Variants in BAZ1A observed in about 807,000 individuals in gnomAD.
BAZ1A encodes bromodomain adjacent to zinc finger domain 1A.
Under a neutral mutation model 185.2 loss-of-function variants are expected in BAZ1A, and 50 were observed. That is an observed-to-expected ratio of 0.27 (90% CI 0.22 to 0.34). The LOEUF is 0.34. Among genes scored for constraint, BAZ1A ranks in the 10% least tolerant of loss-of-function variants. BAZ1A has a pLI of 1.00. For missense variants in BAZ1A, 1,356 were observed against 1,839.9 expected (o/e 0.74, Z 4.81); for synonymous variants, 571 against 615.6 (o/e 0.93, Z 1.07).
At chr14:34,790,257 C>T (rs1880755633) in intron 12 of BAZ1A, among the ~76,000 whole-genome samples, 1 of 151,812 alleles carries the variant, frequency 6.6e-6, no homozygotes, top group Admixed American at 6.6e-5. Context: ...CAGCCTCAAA[C>T]TCCCAGGGTC....
intron 9 of BAZ1A, among the ~76,000 whole-genome samples, chr14:34,798,045 A>G (rs998817152): frequency 3.3e-5 from 5 of 152,280 alleles, no homozygotes; most frequent in Non-Finnish European, 7.3e-5. Flanking sequence ...AGCGGGTCCC[A>G]TGCCCACAAA....
chr14:34,846,300 G>A (rs1421929367), intron 3 of BAZ1A, among the ~76,000 whole-genome samples: 1 of 152,112 alleles, frequency 6.6e-6, no homozygotes, highest in Non-Finnish European at 1.5e-5. Context: ...CGTAAGTCCT[G>A]GTGGAGACTC....
chr14:34,823,035 A>G (rs1000352304), intron 4 of BAZ1A, among the ~76,000 whole-genome samples: 2 of 152,154 alleles, frequency 1.3e-5, no homozygotes, highest in African/African-American at 4.8e-5. Flanking sequence ...ACAGCACCTA[A>G]AAGAATTAGA....
At chr14:34,789,172 T>C (rs765226848) in intron 12 of BAZ1A, among the ~76,000 whole-genome samples, 1 of 152,174 alleles carries the variant, frequency 6.6e-6, no homozygotes, top group Non-Finnish European at 1.5e-5. Context: ...ATTTAATTAA[T>C]GAGCACTCCA....
In BAZ1A at chr14:34,807,224, T is replaced by A. The variant is rs111832131; in HGVS notation, c.726+227A>T. ...CCAAATTTTCTATTTTCACCTGTCC[T>A]TGTTGATCTTTTTTGTAAGTGGCAG... On this transcript the variant is annotated intron_variant, in intron 6 of 26. Transcript: ENST00000360310. Among the ~76,000 whole-genome samples, 648 of 151,740 alleles carry A rather than the reference T, an allele frequency of 4.3e-3. 3 individuals are homozygous for A. Among genetic ancestry groups the A allele is most frequent in the Admixed American group, 6.2e-3 (94 of 15,114 alleles).
chr14:34,817,245 T>A (rs1190343435), intron 4 of BAZ1A, among the ~76,000 whole-genome samples: 1 of 150,952 alleles, frequency 6.6e-6, no homozygotes, highest in Non-Finnish European at 1.5e-5. Flanking sequence ...CCCCCAAATA[T>A]ATCAAGATAT....
At position 34,761,927 on chromosome 14, in the gene BAZ1A, C is replaced by A. The variant is rs554820898; in HGVS notation, c.4073G>T (p.Arg1358Leu). 4.0e-5 allele frequency: 65 copies of A among 1,614,078 alleles called. No individual in the cohort carries two copies. In the Middle Eastern group the frequency reaches 1.2e-3, roughly 29 times the overall value. The stretch of plus-strand genomic sequence containing the variant: ...ATTATTAGCACTTTTCCTGCCTCTG[C>A]GTTTTCTACGAGGACTAAGCAATTC... ...FVELLSPRRKRRGRKSANNTP... is the reference protein window; with the variant it reads ...FVELLSPRRKLRGRKSANNTP... The change falls in exon 24 of 27, where the codon CGC becomes CTC. Residue 1358 changes from arginine to leucine, a missense_variant. Around this residue, in one of 7 missense-constraint regions of BAZ1A, gnomAD observed 309 missense variants for 355.3 expected, o/e 0.87. Transcript: ENST00000360310.
Position 34,800,994 on chromosome 14 carries a change from T to C in BAZ1A, c.961+100A>G, listed in dbSNP as rs184689465. On this transcript the variant is annotated intron_variant, in intron 8 of 26. Transcript: ENST00000360310. Reference sequence around the variant, plus strand: ...AAAAATAACTGCACTTCAAAACAATTAACCAGAAACATGCCATTTCGGAAA... The same window carrying C: ...AAAAATAACTGCACTTCAAAACAATCAACCAGAAACATGCCATTTCGGAAA... The C allele has an allele frequency of 4.1e-4, 329 of 799,946 alleles. No individual in the cohort carries two copies. In the African/African-American group the frequency reaches 5.6e-3, roughly 14 times the overall value. 49.6% of individuals were successfully genotyped at this position (799,946 alleles called of 1,614,324 possible).
intron 21 of BAZ1A, among the ~76,000 whole-genome samples, chr14:34,770,340 A>G (rs968995084): frequency 5.3e-5 from 8 of 152,018 alleles, no homozygotes; most frequent in Admixed American, 5.2e-4. Context: ...TTTAGTAGAG[A>G]CGGGGTTTCA....
At chr14:34,844,385 T>C (rs185883070) in intron 3 of BAZ1A, among the ~76,000 whole-genome samples, 86 of 152,254 alleles carry the variant, frequency 5.6e-4, no homozygotes, top group African/African-American at 1.9e-3. Context: ...AAGACACAAA[T>C]GGAAACATAT....
chr14:34,863,951 G>A (rs191401843), intron 2 of BAZ1A, among the ~76,000 whole-genome samples: 19 of 151,712 alleles, frequency 1.3e-4, no homozygotes, highest in African/African-American at 4.4e-4. Context: ...AGCCTCCTGA[G>A]TATTTGGGAC....
chr14:34,773,851 G>T (rs566799698), intron 19 of BAZ1A, 125 bp from the exon 20 acceptor site: 23 of 1,051,392 alleles, frequency 2.2e-5, no homozygotes, highest in African/African-American at 3.2e-5. Context: ...AATCAAAAAG[G>T]TATCTAAAAA....
At chr14:34,847,561 C>T (rs995430872) in intron 3 of BAZ1A, among the ~76,000 whole-genome samples, 5 of 152,138 alleles carry the variant, frequency 3.3e-5, no homozygotes, top group Non-Finnish European at 7.4e-5. Context: ...TCAACCCTTT[C>T]TCAAAAACTT....
rs769360928 is a variant in BAZ1A at position 34,875,190 on chromosome 14, A to AG, written c.-112dup. 2 of 446,292 alleles carry AG rather than the reference A, an allele frequency of 4.5e-6. No homozygotes were observed. The highest frequency in any genetic ancestry group is 9.0e-6 in the Non-Finnish European group (2 of 221,882). 27.6% of individuals were successfully genotyped at this position (446,292 alleles called of 1,614,324 possible). Reference sequence around the variant, plus strand: ...CACCTTCTCCACTACAAAGGCAACGAGGGGAGACCCCGTCCTCCCAGGGGA... The same window carrying AG: ...CACCTTCTCCACTACAAAGGCAACGAGGGGGAGACCCCGTCCTCCCAGGGGA... On this transcript the variant is annotated 5_prime_UTR_variant, in exon 1 of 27. Coordinates refer to ENST00000360310, the MANE Select transcript of BAZ1A (RefSeq NM_013448.3).
At chr14:34,869,138 C>A (rs113143864) in intron 2 of BAZ1A, among the ~76,000 whole-genome samples, 1 of 151,398 alleles carries the variant, frequency 6.6e-6, no homozygotes, top group African/African-American at 2.4e-5. Context: ...ACCCGGGAGG[C>A]GGAGTTTGCA....
At chr14:34,807,330 C>G in intron 6 of BAZ1A, 121 bp downstream of exon 6, 2 of 626,228 alleles carry the variant, frequency 3.2e-6, no homozygotes, top group Non-Finnish European at 4.8e-6. Flanking sequence ...AAAATTGGCT[C>G]CAGATTAAAA....
chr14:34,827,914 T>C (rs1444086362), intron 3 of BAZ1A, among the ~76,000 whole-genome samples: 1 of 152,074 alleles, frequency 6.6e-6, no homozygotes, highest in Non-Finnish European at 1.5e-5. Flanking sequence ...ACTAACTCTA[T>C]CACCCCTATT....
At chr14:34,807,247 C>T (rs2275148) in intron 6 of BAZ1A, among the ~76,000 whole-genome samples, 88,655 of 150,930 alleles carry the variant, frequency 0.59, 26,210 homozygotes, top group South Asian at 0.67. Context: ...TTGTAAGTGG[C>T]AGTAACTGAA....
At chr14:34,794,236 C>T (rs1031581576) in intron 11 of BAZ1A, among the ~76,000 whole-genome samples, 2 of 152,082 alleles carry the variant, frequency 1.3e-5, no homozygotes, top group African/African-American at 2.4e-5. Flanking sequence ...AAAATTTGAT[C>T]CAAATCTTTC....
Sources: gnomAD v4.1 joint callset for allele counts (sites outside exome capture counted in the v4.1 genomes callset) on GRCh38, gnomAD v4.1.1 for gene constraint, gnomAD v4.1.1 regional missense constraint, MANE v1.5 for transcripts, NCBI Gene and HGNC (gene_info 2026-07-23, HGNC 2026-07-21) for gene names.